The following CNOT4 variants were observed in gnomAD, a reference collection of about 807,000 sequenced individuals.
The protein encoded by CNOT4 is CCR4-NOT transcription complex subunit 4, also known as CCR4-associated factor 4.
Under a neutral mutation model 73.8 loss-of-function variants are expected in CNOT4, and 8 were observed. That is an observed-to-expected ratio of 0.11 (90% CI 0.06 to 0.20). CNOT4 has a LOEUF of 0.20. CNOT4 is among the 10% of genes least tolerant of loss of function. The pLI is 1.00. For synonymous variants in CNOT4, 293 were observed against 321.1 expected, an observed-to-expected ratio of 0.91 and a Z score of 0.94; for missense variants, 564 against 883.4, an observed-to-expected ratio of 0.64 and a Z score of 4.58.
At chr7:135,485,527 T>C (rs545690893) in intron 1 of CNOT4, among the ~76,000 whole-genome samples, 2 of 152,172 alleles carry the variant, frequency 1.3e-5, no homozygotes, top group African/African-American at 4.8e-5. Flanking sequence ...ATTAAAACTG[T>C]GGTACTGATG....
At chr7:135,403,898 T>C (rs902638169) in intron 7 of CNOT4, among the ~76,000 whole-genome samples, 3 of 152,188 alleles carry the variant, frequency 2.0e-5, no homozygotes, top group African/African-American at 7.2e-5. Flanking sequence ...CACTTAATGT[T>C]TTTAAAAGAT....
At chr7:135,423,458 C>T (rs1798302937) in intron 2 of CNOT4, among the ~76,000 whole-genome samples, 2 of 148,390 alleles carry the variant, frequency 1.3e-5, no homozygotes, top group Admixed American at 1.3e-4. Flanking sequence ...TCCATCTCTT[C>T]ATATATAAGC....
chr7:135,395,976 T>A, intron 8 of CNOT4, 93 bp from the exon 9 acceptor site: 2 of 790,190 alleles, frequency 2.5e-6, no homozygotes, highest in Non-Finnish European at 2.0e-6. Context: ...ATTAGAATAG[T>A]GTTTCACAAA....
intron 10 of CNOT4, among the ~76,000 whole-genome samples, chr7:135,378,949 C>A (rs1037752649): frequency 4.9e-5 from 7 of 143,734 alleles, no homozygotes; most frequent in Admixed American, 3.6e-4. Flanking sequence ...TGCGCCACTG[C>A]ACTCCAATCT....
In CNOT4 at chr7:135,363,485, G is replaced by A. The variant is rs1332168784; in HGVS notation, c.1841-299C>T. On this transcript the variant is annotated intron_variant, in intron 11 of 11. Transcript: ENST00000541284. The surrounding 1 kb of genome is among the most constrained non-coding windows in gnomAD (Gnocchi z 4.3). ...TTCCCAATTGTGCTTTTCCTCCTCT[G>A]ACAGGGATGCGTAACAAGACAGCCT... 6.6e-6 allele frequency among the ~76,000 whole-genome samples: 1 copy of A among 152,184 alleles called. No individual in the cohort carries two copies. Among genetic ancestry groups the A allele is most frequent in the African/African-American group, 2.4e-5 (1 of 41,444 alleles).
intron 8 of CNOT4, among the ~76,000 whole-genome samples, chr7:135,396,106 CCTTTTTTTT>C (rs1796669462): frequency 8.6e-6 from 1 of 116,008 alleles, no homozygotes; most frequent in Non-Finnish European, 1.7e-5. Flanking sequence ...AACTAGTCTC[CCTTTTTTTT>C]TTTTTTTTTT....
intron 1 of CNOT4, among the ~76,000 whole-genome samples, chr7:135,448,542 A>AT (rs1289692893): frequency 8.2e-6 from 1 of 121,288 alleles, no homozygotes; most frequent in East Asian, 2.9e-4. Flanking sequence ...AGAAAAAAAA[A>AT]GGGAGGGAGG....
chr7:135,387,708 C>G, intron 10 of CNOT4: 9 of 984,646 alleles, frequency 9.1e-6, no homozygotes, highest in Non-Finnish European at 1.1e-5. Context: ...AAACTAAGTA[C>G]AGTTTCTTTT....
At chr7:135,430,889 C>A (rs757545916) in intron 2 of CNOT4, among the ~76,000 whole-genome samples, 1 of 152,148 alleles carries the variant, frequency 6.6e-6, no homozygotes, top group Non-Finnish European at 1.5e-5. Flanking sequence ...AGATTGGGAA[C>A]AAAGATATCT....
At chr7:135,458,478 C>T (rs921720927) in intron 1 of CNOT4, among the ~76,000 whole-genome samples, 1 of 149,620 alleles carries the variant, frequency 6.7e-6, no homozygotes, top group South Asian at 2.1e-4. Flanking sequence ...CAGCCATTGA[C>T]TCTCTCTTTC....
At chr7:135,401,737 A>C (rs905753671) in intron 7 of CNOT4, among the ~76,000 whole-genome samples, 3 of 152,202 alleles carry the variant, frequency 2.0e-5, no homozygotes, top group Non-Finnish European at 4.4e-5. Flanking sequence ...AACTAAAACA[A>C]AGAATGAGAG....
chr7:135,404,214 A>G (rs1797158160), intron 7 of CNOT4, among the ~76,000 whole-genome samples: 1 of 152,254 alleles, frequency 6.6e-6, no homozygotes, highest in Admixed American at 6.5e-5. Flanking sequence ...TCTGAGATAT[A>G]AACTCAGAAA....
intron 1 of CNOT4, among the ~76,000 whole-genome samples, chr7:135,487,374 G>A (rs545991469): frequency 2.9e-4 from 44 of 151,840 alleles, no homozygotes; most frequent in African/African-American, 1.0e-3. Context: ...AGTAGTGGTG[G>A]TGGTATACAC....
intron 1 of CNOT4, among the ~76,000 whole-genome samples, chr7:135,487,964 G>A (rs1054785105): frequency 6.6e-6 from 1 of 152,110 alleles, no homozygotes; most frequent in African/African-American, 2.4e-5. Context: ...GGCTGAGGCA[G>A]GAGAATGGCG....
intron 4 of CNOT4, among the ~76,000 whole-genome samples, 159 bp from the exon 5 acceptor site, chr7:135,414,591 T>C (rs1266659968): frequency 1.3e-5 from 2 of 152,108 alleles, no homozygotes; most frequent in Non-Finnish European, 2.9e-5. Flanking sequence ...AACACTAAAC[T>C]AGCTCATTTG....
intron 9 of CNOT4, 71 bp from the exon 10 acceptor site, chr7:135,394,486 T>C: frequency 8.0e-7 from 1 of 1,250,720 alleles, no homozygotes; most frequent in Non-Finnish European, 1.1e-6. Flanking sequence ...GTATCCATGC[T>C]ACTGAAAGTT....
At chr7:135,418,388 T>C (rs1037920201) in intron 3 of CNOT4, among the ~76,000 whole-genome samples, 4 of 152,190 alleles carry the variant, frequency 2.6e-5, no homozygotes, top group Admixed American at 2.6e-4. Flanking sequence ...CCAATTTTCC[T>C]ACTAACATAG....
chr7:135,472,204 G>A (rs1050699664), intron 1 of CNOT4, among the ~76,000 whole-genome samples: 4 of 150,842 alleles, frequency 2.7e-5, no homozygotes, highest in African/African-American at 7.3e-5. Context: ...CAGGCTGGGC[G>A]TGGTGGCTCA....
chr7:135,491,030 A>G (rs1463469221), intron 1 of CNOT4, among the ~76,000 whole-genome samples: 1 of 152,236 alleles, frequency 6.6e-6, no homozygotes, highest in Non-Finnish European at 1.5e-5. Context: ...AATGACTCCA[A>G]GGTTTCTGGC....
Sources: gnomAD v4.1 joint callset for allele counts (sites outside exome capture counted in the v4.1 genomes callset) on GRCh38, gnomAD v4.1.1 for gene constraint, Gnocchi (gnomAD v3.1) non-coding constraint, MANE v1.5 for transcripts, NCBI Gene and HGNC (gene_info 2026-07-23, HGNC 2026-07-21) for gene names.